The following GSTZ1 variants were observed in gnomAD, a reference collection of about 807,000 sequenced individuals.
The protein encoded by GSTZ1 is maleylacetoacetate isomerase.
Under a neutral mutation model 35.9 loss-of-function variants are expected in GSTZ1, and 34 were observed. That is an observed-to-expected ratio of 0.95 (90% CI 0.72 to 1.26). The LOEUF (loss-of-function observed/expected upper bound fraction) is 1.26, where lower values mean the gene tolerates loss of function less well. Ranked by LOEUF, GSTZ1 falls within the 50% of genes most tolerant of loss-of-function variation. GSTZ1 has a pLI of 0.00. For synonymous variants in GSTZ1, 93 were observed against 101.2 expected, an observed-to-expected ratio of 0.92 and a Z score of 0.49; for missense variants, 263 against 271.7, an observed-to-expected ratio of 0.97 and a Z score of 0.23.
intron 1 of GSTZ1, chr14:77,322,511 G>A: frequency 5.1e-6 from 4 of 787,872 alleles, no homozygotes; most frequent in Non-Finnish European, 6.2e-6. Flanking sequence ...CATTTCTTCA[G>A]GGATTCTAAG....
At chr14:77,321,461 C>A in intron 1 of GSTZ1, 1 of 1,510,274 alleles carries the variant, frequency 6.6e-7, no homozygotes, top group Non-Finnish European at 8.8e-7. Flanking sequence ...GCCCTCCCTG[C>A]TCCCCATAAC....
At chr14:77,324,946 T>C in intron 2 of GSTZ1, 25 bp downstream of exon 2, 2 of 1,590,002 alleles carry the variant, frequency 1.3e-6, no homozygotes, top group South Asian at 1.1e-5. Context: ...TCCTCCAGGA[T>C]GAGTGCTGGA....
rs200125153 is a variant in GSTZ1, at chr14:77,321,165, C to T, written c.-4C>T. The T allele has an allele frequency of 5.5e-6, 8 of 1,461,452 alleles. No homozygotes were observed. The African/African-American group carries it at 5.7e-5, about 10-fold the overall frequency. The allele number at this position is 1,461,452 out of a possible 1,614,324, so 90.5% of individuals were successfully genotyped here. On this transcript the variant is annotated 5_prime_UTR_variant, in exon 1 of 9. Coordinates refer to ENST00000216465, the MANE Select transcript of GSTZ1 (RefSeq NM_145870.3). Reference sequence around the variant, plus strand: ...CTGGAGGAGGGGGTCGCGCGAAGTGCCAGATGCAGGCGGGGAAGGTCTGTG... The same window carrying T: ...CTGGAGGAGGGGGTCGCGCGAAGTGTCAGATGCAGGCGGGGAAGGTCTGTG...
chr14:77,329,490 A>G (rs1892501772), intron 6 of GSTZ1: 2 of 595,284 alleles, frequency 3.4e-6, no homozygotes, highest in South Asian at 2.0e-5. Context: ...AGCGCCAGCC[A>G]TCAGAGTGAG....
At chr14:77,330,549 C>G (rs942252149) in intron 8 of GSTZ1, among the ~76,000 whole-genome samples, 190 bp downstream of exon 8, 4 of 152,180 alleles carry the variant, frequency 2.6e-5, no homozygotes, top group Non-Finnish European at 5.9e-5. Flanking sequence ...CTACGCCCAC[C>G]ACAGCCCAGA....
chr14:77,324,327 A>G, intron 1 of GSTZ1: 1 of 464,410 alleles, frequency 2.2e-6, no homozygotes, highest in South Asian at 2.3e-5. Flanking sequence ...TTGTATTTTC[A>G]GTAGAGACAG....
In GSTZ1 at chr14:77,329,808, G is replaced by A; in HGVS notation, c.474+1G>A. The A allele has an allele frequency of 6.2e-7, 1 of 1,612,468 alleles. No individual in the cohort carries two copies. The highest frequency in any genetic ancestry group is 8.5e-7 in the Non-Finnish European group (1 of 1,178,454). On this transcript the variant is annotated splice_donor_variant, in intron 7 of 8. Transcript: ENST00000216465. LOFTEE classifies it high-confidence loss of function. ...GGGCATATACTGTGTAGGAGACGAG[G>A]TAAGCTGTCCCCAGACCTCCCCAGG...
At chr14:77,324,798 A>C in intron 1 of GSTZ1, 72 bp from the exon 2 acceptor site, 1 of 1,445,946 alleles carries the variant, frequency 6.9e-7, no homozygotes, top group Non-Finnish European at 9.7e-7. Context: ...ACAGGAAGAA[A>C]TGGTTGACTC....
intron 5 of GSTZ1, 173 bp from the exon 6 acceptor site, chr14:77,328,950 C>T: frequency 1.8e-6 from 1 of 566,158 alleles, no homozygotes. Context: ...ATGGCTACCT[C>T]CCTCCAACCT....
At position 77,331,449 on chromosome 14, in the gene GSTZ1, A is replaced by G; in HGVS notation, c.*254A>G. 4.7e-6 allele frequency: 2 copies of G among 429,472 alleles called. No individual in the cohort carries two copies. Among genetic ancestry groups the G allele is most frequent in the South Asian group, 5.0e-5 (1 of 20,126 alleles). The allele number at this position is 429,472 out of a possible 1,614,324, so 26.6% of individuals were successfully genotyped here. On this transcript the variant is annotated 3_prime_UTR_variant, in exon 9 of 9. Coordinates refer to ENST00000216465, the MANE Select transcript of GSTZ1 (RefSeq NM_145870.3). ...GTGACGGGGCAGTCGTGAGGCTGAG[A>G]TGAGAATGCGGATTAAAATGCCTGG...
chr14:77,321,241 G>C, intron 1 of GSTZ1, 58 bp downstream of exon 1: 1 of 1,535,194 alleles, frequency 6.5e-7, no homozygotes. Context: ...GACCCTGGGG[G>C]GCGGGGTCAG....
At chr14:77,321,387 C>A in intron 1 of GSTZ1, 1 of 1,528,646 alleles carries the variant, frequency 6.5e-7, no homozygotes, top group Non-Finnish European at 8.8e-7. Context: ...CCAGAGGAGG[C>A]GGTCCTGGTA....
At position 77,328,246 on chromosome 14, in the gene GSTZ1, G is replaced by A. The variant is rs1230695797; in HGVS notation, c.342+209G>A. ...CGGGTCCCCCGCTGCGTTCCGAGAA[G>A]CTCTAGTTTCCAAGGACGCATGTAC... On this transcript the variant is annotated intron_variant, in intron 5 of 8. Transcript: ENST00000216465. The A allele has an allele frequency of 5.2e-6, 3 of 580,204 alleles. No individual in the cohort carries two copies. In the Admixed American group the frequency reaches 9.1e-5, roughly 18 times the overall value. 35.9% of individuals were successfully genotyped at this position (580,204 alleles called of 1,614,324 possible).
chr14:77,321,448 T>C (rs1418752087), intron 1 of GSTZ1: 4 of 1,519,802 alleles, frequency 2.6e-6, no homozygotes, highest in Admixed American at 4.0e-5. Context: ...TCACTTCTGC[T>C]CCGCCCTCCC....
At chr14:77,329,282 AC>A (rs1199280875) in intron 6 of GSTZ1, 81 bp downstream of exon 6, 1 of 962,024 alleles carries the variant, frequency 1.0e-6, no homozygotes, top group African/African-American at 1.6e-5. Context: ...GGGTATCTGA[AC>A]CAGCCTCCCA....
At position 77,327,559 on chromosome 14, in the gene GSTZ1, G is replaced by T; in HGVS notation, c.216+7G>T. 1 of 1,582,610 alleles carries T rather than the reference G, an allele frequency of 6.3e-7. No homozygotes were observed. On this transcript the variant is annotated splice_region_variant and intron_variant, in intron 4 of 8. Transcript: ENST00000216465. ...AATCACCATTCACCAGTCAGTGAGT[G>T]CAGGGCCTGGGGGAGGGCCCTCATG...
intron 2 of GSTZ1, chr14:77,325,202 C>G: frequency 4.8e-6 from 2 of 418,146 alleles, no homozygotes; most frequent in Non-Finnish European, 8.9e-6. Flanking sequence ...ATGTTTAAAG[C>G]AGGGTCACAA....
intron 1 of GSTZ1, chr14:77,321,428 C>T (rs981696912): frequency 2.2e-5 from 33 of 1,525,308 alleles, no homozygotes; most frequent in Non-Finnish European, 2.7e-5. Context: ...AGTCGCTGTC[C>T]GGTCGCGCTT....
At chr14:77,331,013 G>A in intron 8 of GSTZ1, 56 bp from the exon 9 acceptor site, 3 of 1,567,518 alleles carry the variant, frequency 1.9e-6, no homozygotes, top group Non-Finnish European at 2.6e-6. Flanking sequence ...GCTGCATCAG[G>A]GCAGTCTCCC....
Sources: allele counts gnomAD v4.1 joint callset (sites outside exome capture counted in the v4.1 genomes callset), GRCh38; gene constraint gnomAD v4.1.1; transcripts MANE v1.5; gene names NCBI Gene and HGNC (gene_info 2026-07-23, HGNC 2026-07-21).